TMEM135: variants seen among roughly 807,000 people sequenced by gnomAD.
The protein encoded by TMEM135 is peroxisomal membrane protein 52.
Under a neutral mutation model 60.3 loss-of-function variants are expected in TMEM135, and 30 were observed. The ratio of observed to expected loss-of-function variants is 0.50; its 90% CI spans 0.37 to 0.68. TMEM135 has a LOEUF of 0.68. TMEM135 is among the 30% of genes least tolerant of loss of function. TMEM135 has a pLI of 0.00. For missense variants in TMEM135, 468 were observed against 548.8 expected, an observed-to-expected ratio of 0.85 and a Z score of 1.47; for synonymous variants, 190 against 186.7, an observed-to-expected ratio of 1.02 and a Z score of -0.14.
At chr11:87,121,856 T>C (rs536344160) in intron 4 of TMEM135, among the ~76,000 whole-genome samples, 7 of 152,196 alleles carry the variant, frequency 4.6e-5, no homozygotes, top group African/African-American at 1.7e-4. Flanking sequence ...GCCAGGGTGG[T>C]CTCGAACTCC....
At position 87,322,577 on chromosome 11, in the gene TMEM135, A is replaced by C. The variant is rs12275018; in HGVS notation, c.*1244A>C. On this transcript the variant is annotated 3_prime_UTR_variant, in exon 15 of 15. Coordinates refer to ENST00000305494, the MANE Select transcript of TMEM135 (RefSeq NM_022918.4). ...TGAAGTGGTCTACAGTTAATGTGAC[A>C]TGTAGGGATGATGATATTTTTAAAA... 1,787 of 454,056 alleles carry C rather than the reference A, an allele frequency of 3.9e-3. 30 individuals carry two copies. Among genetic ancestry groups the C allele is most frequent in the African/African-American group, 0.033 (1,675 of 50,130 alleles). 28.1% of individuals were successfully genotyped at this position (454,056 alleles called of 1,614,324 possible).
chr11:87,275,919 C>T (rs369268128), intron 6 of TMEM135, among the ~76,000 whole-genome samples: 16 of 152,268 alleles, frequency 1.1e-4, no homozygotes, highest in African/African-American at 3.9e-4. Flanking sequence ...GTCTAGGCCT[C>T]CCAAAGTGCT....
In TMEM135 at chr11:87,324,048, T is replaced by G. The variant is rs1470024442; in HGVS notation, c.*2715T>G. ...ATGAACTTTTATTAGACTGAACATG[T>G]ATGTTTTTGATGGAATCCAAACTGA... On this transcript the variant is annotated 3_prime_UTR_variant, in exon 15 of 15. Transcript: ENST00000305494. 2.2e-6 allele frequency: 1 copy of G among 454,122 alleles called. No individual in the cohort carries two copies. Among genetic ancestry groups the G allele is most frequent in the South Asian group, 1.6e-5 (1 of 64,472 alleles). The allele number at this position is 454,122 out of a possible 1,614,324, so 28.1% of individuals were successfully genotyped here.
intron 4 of TMEM135, among the ~76,000 whole-genome samples, chr11:87,110,990 T>C (rs896289146): frequency 1.1e-4 from 16 of 152,224 alleles, no homozygotes; most frequent in African/African-American, 3.4e-4. Flanking sequence ...AGATGCCTTA[T>C]GTACTTCAAC....
chr11:87,255,056 G>A (rs532051411), intron 6 of TMEM135, among the ~76,000 whole-genome samples: 1 of 152,228 alleles, frequency 6.6e-6, no homozygotes, highest in East Asian at 1.9e-4. Flanking sequence ...TTTAAAGTGG[G>A]GCTTTTCCTT....
At chr11:87,072,418 T>C (rs1236989242) in intron 3 of TMEM135, among the ~76,000 whole-genome samples, 2 of 152,224 alleles carry the variant, frequency 1.3e-5, no homozygotes, top group South Asian at 2.1e-4. Flanking sequence ...TCTTGCTCTG[T>C]TGCGCAGGCT....
At chr11:87,312,855 G>C (rs1942665226) in intron 10 of TMEM135, among the ~76,000 whole-genome samples, 1 of 151,846 alleles carries the variant, frequency 6.6e-6, no homozygotes, top group South Asian at 2.1e-4. Context: ...GTAAAGATAA[G>C]AAAAATATGT....
chr11:87,312,725 A>G (rs1252342109), intron 10 of TMEM135, among the ~76,000 whole-genome samples: 1 of 151,944 alleles, frequency 6.6e-6, no homozygotes, highest in Admixed American at 6.6e-5. Context: ...TCATTTTTTA[A>G]GACTGTAAAA....
chr11:87,233,553 T>C (rs990317402), intron 5 of TMEM135, among the ~76,000 whole-genome samples: 4 of 152,108 alleles, frequency 2.6e-5, no homozygotes, highest in Non-Finnish European at 4.4e-5. Flanking sequence ...TATAGCTATG[T>C]TGAAACTTAT....
In TMEM135 at chr11:87,038,097, A is replaced by C; in HGVS notation, c.52A>C (p.Thr18Pro). 2.5e-6 allele frequency: 4 copies of C among 1,613,932 alleles called. No homozygotes were observed. Among genetic ancestry groups the C allele is most frequent in the Non-Finnish European group, 3.4e-6 (4 of 1,179,990 alleles). ...IPHNCYEIGH[T>P]WHPSCRVSFL... Reference sequence around the variant, plus strand: ...TCATAACTGCTATGAGATCGGCCACACTTGGCACCCTTCCTGCCGGGTCTC... The same window carrying C: ...TCATAACTGCTATGAGATCGGCCACCCTTGGCACCCTTCCTGCCGGGTCTC... The change falls in exon 1 of 15, where the codon ACT becomes CCT. Residue 18 changes from threonine (T) to proline (P), a missense_variant. Physicochemically the swap from Thr to Pro is conservative, Grantham distance 38. Coordinates refer to ENST00000305494, the MANE Select transcript of TMEM135 (RefSeq NM_022918.4).
At chr11:87,076,839 G>T (rs891363097) in intron 3 of TMEM135, among the ~76,000 whole-genome samples, 1 of 152,170 alleles carries the variant, frequency 6.6e-6, no homozygotes, top group Admixed American at 6.5e-5. Context: ...CAGGAGCAAG[G>T]CTTGGAATGG....
chr11:87,245,307 C>T (rs1047277919), intron 6 of TMEM135, among the ~76,000 whole-genome samples: 10 of 144,782 alleles, frequency 6.9e-5, no homozygotes, highest in Non-Finnish European at 1.4e-4. Flanking sequence ...TGGTGTGGTG[C>T]TGAAAAAAAT....
chr11:87,132,295 A>G (rs1315990340), intron 4 of TMEM135, among the ~76,000 whole-genome samples: 4 of 152,158 alleles, frequency 2.6e-5, no homozygotes, highest in African/African-American at 9.7e-5. Context: ...ACTTGAGATA[A>G]CACATACAGT....
chr11:87,256,836 C>T (rs188975449), intron 6 of TMEM135, among the ~76,000 whole-genome samples: 66 of 152,170 alleles, frequency 4.3e-4, no homozygotes, highest in Admixed American at 4.3e-3. Flanking sequence ...CCTGCTTGCC[C>T]TCACTCTTCC....
chr11:87,231,144 G>C lies in TMEM135; in HGVS notation c.463-5494G>C, dbSNP rs1215673743. On this transcript the variant is annotated intron_variant, in intron 5 of 14. Coordinates refer to ENST00000305494, the MANE Select transcript of TMEM135 (RefSeq NM_022918.4). The stretch of plus-strand genomic sequence containing the variant: ...AGGCGTCACTCAGACAAAACCTAGA[G>C]GACTTTCTGAGTTGAGGAAATAAAG... Among the ~76,000 whole-genome samples, 5 of 152,080 alleles carry C rather than the reference G, an allele frequency of 3.3e-5. No homozygotes were observed. The South Asian group carries it at 8.3e-4, about 25-fold the overall frequency.
At chr11:87,294,819 G>A (rs1286452523) in intron 6 of TMEM135, among the ~76,000 whole-genome samples, 1 of 152,192 alleles carries the variant, frequency 6.6e-6, no homozygotes, top group African/African-American at 2.4e-5. Context: ...AATAACAGCA[G>A]CAGAATGTTG....
intron 4 of TMEM135, among the ~76,000 whole-genome samples, chr11:87,126,016 T>C (rs1937715522): frequency 6.6e-6 from 1 of 152,132 alleles, no homozygotes. Flanking sequence ...TCACCCCTTC[T>C]TGTTTGTTTT....
chr11:87,254,955 C>T (rs560110927), intron 6 of TMEM135, among the ~76,000 whole-genome samples: 1 of 152,166 alleles, frequency 6.6e-6, no homozygotes, highest in Non-Finnish European at 1.5e-5. Context: ...GCTTGGACAA[C>T]ATAGGGAGAC....
chr11:87,234,676 A>T (rs1458404697), intron 5 of TMEM135, among the ~76,000 whole-genome samples: 1 of 152,016 alleles, frequency 6.6e-6, no homozygotes, highest in African/African-American at 2.4e-5. Context: ...CTCAGTTTAT[A>T]GATAAGGGGT....
Sources: allele counts gnomAD v4.1 joint callset (sites outside exome capture counted in the v4.1 genomes callset), GRCh38; gene constraint gnomAD v4.1.1; transcripts MANE v1.5; gene names NCBI Gene and HGNC (gene_info 2026-07-23, HGNC 2026-07-21).